Variants in GRM3 observed in about 807,000 individuals in gnomAD.
GRM3 encodes metabotropic glutamate receptor 3.
GRM3 carries 26 observed loss-of-function variants against 70.5 expected under a neutral mutation model. That is an observed-to-expected ratio of 0.37 (90% confidence interval 0.27 to 0.51). GRM3 has a LOEUF of 0.51. GRM3 is among the 20% of genes least tolerant of loss of function. GRM3 has a pLI of 0.93. For missense variants in GRM3, 859 were observed against 1,123.8 expected (o/e 0.76, Z 3.37); for synonymous variants, 443 against 434.9 (o/e 1.02, Z -0.23).
chr7:86,768,502 GA>G (rs1198229241), intron 2 of GRM3, among the ~76,000 whole-genome samples: 1 of 152,186 alleles, frequency 6.6e-6, no homozygotes, highest in Non-Finnish European at 1.5e-5. Context: ...AATGTGCTCT[GA>G]AATAACAGTA....
intron 3 of GRM3, among the ~76,000 whole-genome samples, chr7:86,837,245 A>G (rs1450585582): frequency 2.0e-5 from 3 of 152,216 alleles, no homozygotes; most frequent in African/African-American, 7.2e-5. Context: ...TTTGTAAAAT[A>G]TAAAGTCCTC....
At chr7:86,847,167 C>A (rs1798670794) in intron 4 of GRM3, among the ~76,000 whole-genome samples, 1 of 152,166 alleles carries the variant, frequency 6.6e-6, no homozygotes, top group Non-Finnish European at 1.5e-5. Flanking sequence ...GGCACTGTCT[C>A]TATCTTCTAA....
chr7:86,824,979 AG>A, intron 3 of GRM3, among the ~76,000 whole-genome samples: 1 of 152,364 alleles, frequency 6.6e-6, no homozygotes, highest in Admixed American at 6.5e-5. Context: ...TTTTCTAAAA[AG>A]GGACAAAATA....
At chr7:86,656,900 G>A (rs923144169) in intron 1 of GRM3, among the ~76,000 whole-genome samples, 1 of 152,058 alleles carries the variant, frequency 6.6e-6, no homozygotes, top group African/African-American at 2.4e-5. Flanking sequence ...ACTAGAATTA[G>A]CTCCCAACGA....
At chr7:86,788,728 G>C (rs531763715) in intron 3 of GRM3, among the ~76,000 whole-genome samples, 4 of 152,180 alleles carry the variant, frequency 2.6e-5, no homozygotes, top group African/African-American at 9.6e-5. Context: ...TTCGTAAAAG[G>C]TATCTGCAAT....
chr7:86,737,567 T>A (rs1488494833), intron 1 of GRM3, among the ~76,000 whole-genome samples: 1 of 152,204 alleles, frequency 6.6e-6, no homozygotes, highest in East Asian at 1.9e-4. Context: ...AGTACTCAAT[T>A]TGTTACGGTT....
At position 86,683,532 on chromosome 7, in the gene GRM3, T is replaced by C. The variant is rs183215159; in HGVS notation, c.-141+38660T>C. The stretch of plus-strand genomic sequence containing the variant: ...TATGTGAGAGGCAGATGTCAGGAGA[T>C]TGAATACACTGAGGACTCCACTTTC... On this transcript the variant is annotated intron_variant, in intron 1 of 5. Transcript: ENST00000361669. Among the ~76,000 whole-genome samples the C allele has an allele frequency of 4.9e-4, 75 of 152,234 alleles. No homozygotes were observed. The East Asian group carries it at 9.1e-3, about 18-fold the overall frequency.
intron 1 of GRM3, among the ~76,000 whole-genome samples, chr7:86,736,025 T>C (rs578094393): frequency 6.6e-6 from 1 of 152,320 alleles, no homozygotes; most frequent in African/African-American, 2.4e-5. Flanking sequence ...TAACCCATGG[T>C]CTTCCTAGCT....
At chr7:86,718,720 C>G (rs1415468694) in intron 1 of GRM3, among the ~76,000 whole-genome samples, 1 of 151,888 alleles carries the variant, frequency 6.6e-6, no homozygotes, top group African/African-American at 2.4e-5. Context: ...GTAGCATTAA[C>G]ATTTATTACT....
intron 3 of GRM3, among the ~76,000 whole-genome samples, chr7:86,822,614 C>T (rs77186512): frequency 0.038 from 5,816 of 152,102 alleles, 139 homozygotes; most frequent in East Asian, 0.066. Flanking sequence ...AGGGATAGAG[C>T]GAGAGATATG....
rs147996056 is a variant in GRM3 at position 86,682,168 on chromosome 7, T to C, written c.-141+37296T>C. Among the ~76,000 whole-genome samples, 793 of 152,308 alleles carry C rather than the reference T, an allele frequency of 5.2e-3. 9 individuals are homozygous for C. The highest frequency in any genetic ancestry group is 0.021 in the South Asian group (103 of 4,826). On this transcript the variant is annotated intron_variant, in intron 1 of 5. Coordinates refer to ENST00000361669, the MANE Select transcript of GRM3 (RefSeq NM_000840.3). The stretch of plus-strand genomic sequence containing the variant: ...ACAGATGATAGACCGACAGACATAT[T>C]TTTACAAGTTTTTCACAGTACAACT...
chr7:86,648,447 T>C (rs1388848246), intron 1 of GRM3, among the ~76,000 whole-genome samples: 5 of 152,198 alleles, frequency 3.3e-5, no homozygotes, highest in Non-Finnish European at 5.9e-5. Flanking sequence ...AATTCCACTA[T>C]TGAAATGAAA....
chr7:86,748,088 C>G (rs557104991), intron 1 of GRM3, among the ~76,000 whole-genome samples: 4 of 151,974 alleles, frequency 2.6e-5, no homozygotes, highest in Admixed American at 2.6e-4. Context: ...TTCCCTTCAC[C>G]TGGCAGGAGA....
chr7:86,694,560 T>G (rs995175998), intron 1 of GRM3, among the ~76,000 whole-genome samples: 1 of 109,796 alleles, frequency 9.1e-6, no homozygotes, highest in Non-Finnish European at 2.0e-5. Flanking sequence ...AGAAAGAAAA[T>G]AAAAAAAGAA....
At chr7:86,811,873 A>G (rs1051179543) in intron 3 of GRM3, among the ~76,000 whole-genome samples, 2 of 151,000 alleles carry the variant, frequency 1.3e-5, no homozygotes, top group Non-Finnish European at 1.5e-5. Flanking sequence ...CTCATTTGTT[A>G]AATGAGAAAG....
chr7:86,644,905 G>T, intron 1 of GRM3, 33 bp downstream of exon 1: 1 of 1,216,446 alleles, frequency 8.2e-7, no homozygotes, highest in Non-Finnish European at 1.1e-6. Context: ...TGTCCCTCTG[G>T]AGGGCGCCCA....
chr7:86,746,375 A>ATATATATATATATATATAT (rs1562846667), intron 1 of GRM3, among the ~76,000 whole-genome samples: 29 of 137,136 alleles, frequency 2.1e-4, no homozygotes, highest in South Asian at 4.7e-4. Context: ...ATATATATAT[A>ATATATATATATATATATAT]ATCACTTCAA....
chr7:86,792,013 C>A (rs1319743532), intron 3 of GRM3, among the ~76,000 whole-genome samples: 1 of 152,098 alleles, frequency 6.6e-6, no homozygotes, highest in Admixed American at 6.5e-5. Flanking sequence ...TTCAAACTTA[C>A]TTTGAGTAAA....
At chr7:86,852,060 C>T (rs1414946609) in intron 5 of GRM3, among the ~76,000 whole-genome samples, 8 of 152,094 alleles carry the variant, frequency 5.3e-5, no homozygotes, top group Non-Finnish European at 8.8e-5. Context: ...TAAAGAAACT[C>T]ACCCAGGGTC....
Sources: allele counts gnomAD v4.1 joint callset (sites outside exome capture counted in the v4.1 genomes callset), GRCh38; gene constraint gnomAD v4.1.1; transcripts MANE v1.5; gene names NCBI Gene and HGNC (gene_info 2026-07-23, HGNC 2026-07-21).